RERE: variants seen among roughly 807,000 people sequenced by gnomAD.
The protein encoded by RERE is arginine-glutamic acid dipeptide repeats protein.
Under a neutral mutation model 146.1 loss-of-function variants are expected in RERE, and 40 were observed. That is an observed-to-expected ratio of 0.27 (90% CI 0.21 to 0.36). RERE has a LOEUF of 0.36. RERE is among the 10% of genes least tolerant of loss of function. The pLI, the probability that RERE is intolerant of heterozygous loss-of-function variation, is 1.00. For missense variants in RERE, 1,933 were observed against 2,138.7 expected (o/e 0.90, Z 1.90); for synonymous variants, 1,003 against 866.0 (o/e 1.16, Z -2.78).
intron 1 of RERE, among the ~76,000 whole-genome samples, chr1:8,783,030 C>T (rs1443856574): frequency 1.3e-5 from 2 of 152,136 alleles, no homozygotes; most frequent in Non-Finnish European, 2.9e-5. Flanking sequence ...TCAACCCCTA[C>T]CCTACAGTGA....
At chr1:8,540,719 G>T (rs1371246430) in intron 7 of RERE, among the ~76,000 whole-genome samples, 1 of 152,184 alleles carries the variant, frequency 6.6e-6, no homozygotes, top group Non-Finnish European at 1.5e-5. Context: ...TTGAGAACTT[G>T]ATGTGTCTGA....
chr1:8,516,227 G>GAAAAAAAAAAAAAAAAA lies in RERE; in HGVS notation c.831-7569_831-7553dup, dbSNP rs58064164. 2.8e-3 allele frequency among the ~76,000 whole-genome samples: 148 copies of GAAAAAAAAAAAAAAAAA among 52,288 alleles called. 11 individuals carry two copies. The highest frequency in any genetic ancestry group is 0.013 in the Middle Eastern group (1 of 80). The allele number at this position is 52,288 out of a possible 152,430, so 34.3% of individuals were successfully genotyped here. On this transcript the variant is annotated intron_variant, in intron 7 of 22. Transcript: ENST00000400908. ...GGGACGGAGCAAGACTCTCTCAGAGGAAAAAAAAAAAAAAAAAAAAAATCT... is the reference window on the plus strand; with the variant it reads ...GGGACGGAGCAAGACTCTCTCAGAGGAAAAAAAAAAAAAAAAAAAAAAAAAAAAAAAAAAAAAAATCT...
intron 16 of RERE, 58 bp from the exon 17 acceptor site, chr1:8,361,934 T>A (rs903581826): frequency 1.1e-5 from 14 of 1,239,522 alleles, no homozygotes; most frequent in Non-Finnish European, 1.6e-5. Flanking sequence ...CCCATCAGCC[T>A]CAGCAAGGAA....
intron 1 of RERE, among the ~76,000 whole-genome samples, chr1:8,777,759 T>A (rs1339709345): frequency 6.6e-6 from 1 of 151,778 alleles, no homozygotes; most frequent in Non-Finnish European, 1.5e-5. Flanking sequence ...ATGGTCTCGA[T>A]CTCCTGACCT....
intron 4 of RERE, among the ~76,000 whole-genome samples, chr1:8,565,337 CAAAATGAAATTTTA>C (rs1020061416): frequency 1.3e-5 from 2 of 152,094 alleles, no homozygotes; most frequent in South Asian, 2.1e-4. Flanking sequence ...CAGCTTACAA[CAAAATGAAATTTTA>C]AAAATGAAAT....
At position 8,364,299 on chromosome 1, in the gene RERE, T is replaced by C; in HGVS notation, c.1541-44A>G. On this transcript the variant is annotated intron_variant, in intron 14 of 22. Coordinates refer to ENST00000400908, the MANE Select transcript of RERE (RefSeq NM_001042681.2). The surrounding 1 kb of genome is among the most constrained non-coding windows in gnomAD (Gnocchi z 5.1). ...GGGGGCCAACCTTGGAAACCATCCCTCTCCCTGGGGATGTCTGGGCAGAGG... is the reference window on the plus strand; with the variant it reads ...GGGGGCCAACCTTGGAAACCATCCCCCTCCCTGGGGATGTCTGGGCAGAGG... 6.4e-7 allele frequency: 1 copy of C among 1,561,076 alleles called. No individual in the cohort carries two copies. Among genetic ancestry groups the C allele is most frequent in the Non-Finnish European group, 8.8e-7 (1 of 1,132,696 alleles).
intron 9 of RERE, among the ~76,000 whole-genome samples, chr1:8,495,547 G>C (rs940822419): frequency 6.6e-6 from 1 of 152,160 alleles, no homozygotes; most frequent in African/African-American, 2.4e-5. Flanking sequence ...CCTGACCTCA[G>C]GTGATCTGCT....
chr1:8,489,642 C>T (rs538330981), intron 10 of RERE, among the ~76,000 whole-genome samples: 10 of 152,058 alleles, frequency 6.6e-5, no homozygotes, highest in Non-Finnish European at 1.3e-4. Flanking sequence ...ACTACACATC[C>T]ATTAAAATGG....
At chr1:8,641,487 G>C (rs185043955) in intron 2 of RERE, among the ~76,000 whole-genome samples, 40 of 152,282 alleles carry the variant, frequency 2.6e-4, no homozygotes, top group Admixed American at 1.6e-3. Context: ...GGAAATCTCA[G>C]TCCAATTAGA....
At chr1:8,369,091 T>C (rs1641927667) in intron 12 of RERE, among the ~76,000 whole-genome samples, 1 of 152,132 alleles carries the variant, frequency 6.6e-6, no homozygotes, top group African/African-American at 2.4e-5. Flanking sequence ...ATACCAGCTA[T>C]TCAGGAAGCT....
At chr1:8,766,889 T>C (rs1359696609) in intron 1 of RERE, among the ~76,000 whole-genome samples, 2 of 152,216 alleles carry the variant, frequency 1.3e-5, no homozygotes, top group Non-Finnish European at 2.9e-5. Context: ...TGGGCATTTA[T>C]CTAATTTTAA....
intron 1 of RERE, among the ~76,000 whole-genome samples, chr1:8,672,328 C>T (rs1638737683): frequency 6.6e-6 from 1 of 152,026 alleles, no homozygotes; most frequent in Non-Finnish European, 1.5e-5. Flanking sequence ...TACGTATCAC[C>T]ACACCTGGCT....
intron 2 of RERE, among the ~76,000 whole-genome samples, chr1:8,635,092 A>G (rs1382335059): frequency 6.6e-6 from 1 of 152,186 alleles, no homozygotes; most frequent in Non-Finnish European, 1.5e-5. Context: ...TATGACAATA[A>G]ATATTGAGAC....
intron 7 of RERE, among the ~76,000 whole-genome samples, chr1:8,516,868 A>C (rs1351696062): frequency 2.0e-5 from 3 of 152,358 alleles, no homozygotes; most frequent in Non-Finnish European, 2.9e-5. Flanking sequence ...GTTAGAGGCC[A>C]ATGTATATAA....
intron 1 of RERE, among the ~76,000 whole-genome samples, chr1:8,681,752 G>A (rs574134575): frequency 6.6e-6 from 1 of 152,084 alleles, no homozygotes; most frequent in Non-Finnish European, 1.5e-5. Flanking sequence ...AGGTACTAAC[G>A]CAATCACCAC....
chr1:8,409,434 GAGC>G (rs1256189733), intron 12 of RERE, among the ~76,000 whole-genome samples: 1 of 152,336 alleles, frequency 6.6e-6, no homozygotes, highest in East Asian at 1.9e-4. Context: ...CAGTTCCTGT[GAGC>G]AGCACTGTTT....
chr1:8,510,874 G>A (rs950589565), intron 7 of RERE, among the ~76,000 whole-genome samples: 1 of 152,124 alleles, frequency 6.6e-6, no homozygotes, highest in Non-Finnish European at 1.5e-5. Flanking sequence ...CCATATCATG[G>A]CTACACTGTT....
At chr1:8,748,442 T>G (rs1640467529) in intron 1 of RERE, among the ~76,000 whole-genome samples, 1 of 152,230 alleles carries the variant, frequency 6.6e-6, no homozygotes, top group Admixed American at 6.5e-5. Flanking sequence ...CAGGTTACGT[T>G]GCTGTATCTT....
At chr1:8,553,040 CCA>C (rs980287852) in intron 6 of RERE, among the ~76,000 whole-genome samples, 9 of 151,826 alleles carry the variant, frequency 5.9e-5, no homozygotes, top group Admixed American at 5.2e-4. Flanking sequence ...GCCAGCATGT[CCA>C]CACACACGTG....
Sources: gnomAD v4.1 joint callset for allele counts (sites outside exome capture counted in the v4.1 genomes callset) on GRCh38, gnomAD v4.1.1 for gene constraint, Gnocchi (gnomAD v3.1) non-coding constraint, MANE v1.5 for transcripts, NCBI Gene and HGNC (gene_info 2026-07-23, HGNC 2026-07-21) for gene names.